ATR: variants seen among roughly 807,000 people sequenced by gnomAD.
ATR encodes ATR checkpoint kinase, also known as serine/threonine-protein kinase ATR.
ATR carries 142 observed loss-of-function variants against 305.3 expected under a neutral mutation model. That is an observed-to-expected ratio of 0.47 (90% confidence interval 0.41 to 0.53). The LOEUF (loss-of-function observed/expected upper bound fraction) is 0.53, where lower values mean the gene tolerates loss of function less well. Ranked by LOEUF, ATR falls within the 20% of genes least tolerant of loss-of-function variation. ATR has a pLI of 0.00. For synonymous variants in ATR, 1,050 were observed against 1,068.1 expected, an observed-to-expected ratio of 0.98 and a Z score of 0.33; for missense variants, 2,135 against 3,133.1, an observed-to-expected ratio of 0.68 and a Z score of 7.60.
intron 1 of ATR, among the ~76,000 whole-genome samples, chr3:142,573,731 T>G (rs968052119): frequency 6.6e-6 from 1 of 152,172 alleles, no homozygotes; most frequent in Non-Finnish European, 1.5e-5. Flanking sequence ...GATATAAAAA[T>G]TATTCATGAG....
intron 35 of ATR, among the ~76,000 whole-genome samples, chr3:142,489,864 C>T (rs1039095697): frequency 6.6e-6 from 1 of 152,190 alleles, no homozygotes; most frequent in Admixed American, 6.5e-5. Flanking sequence ...ATAGTCCCCA[C>T]CAGGTGCATT....
intron 30 of ATR, among the ~76,000 whole-genome samples, chr3:142,502,725 T>G (rs2032036940): frequency 6.6e-6 from 1 of 152,184 alleles, no homozygotes. Flanking sequence ...TGACCAGATT[T>G]TACTGCCCAG....
At chr3:142,510,170 T>A (rs371786721) in intron 27 of ATR, among the ~76,000 whole-genome samples, 1 of 151,412 alleles carries the variant, frequency 6.6e-6, no homozygotes, top group Non-Finnish European at 1.5e-5. Flanking sequence ...ATAGAGTGTT[T>A]GGTTTTACAG....
chr3:142,488,842 C>A (rs1362279075), intron 35 of ATR, among the ~76,000 whole-genome samples: 1 of 152,142 alleles, frequency 6.6e-6, no homozygotes, highest in African/African-American at 2.4e-5. Context: ...ATGCATTAAA[C>A]CTCTAGGTCA....
At chr3:142,515,566 AT>A in intron 24 of ATR, 51 bp from the exon 25 acceptor site, 1 of 1,528,010 alleles carries the variant, frequency 6.5e-7, no homozygotes, top group Non-Finnish European at 9.0e-7. Context: ...CCTGTTTAGA[AT>A]TTTAGTAAAT....
chr3:142,473,181 T>C (rs1178846019), intron 36 of ATR, among the ~76,000 whole-genome samples: 1 of 152,258 alleles, frequency 6.6e-6, no homozygotes, highest in Non-Finnish European at 1.5e-5. Context: ...CCCAAACCAA[T>C]GCCATGAACC....
chr3:142,453,269 C>T (rs2070832072), intron 45 of ATR, 36 bp from the exon 46 acceptor site: 1 of 1,598,912 alleles, frequency 6.3e-7, no homozygotes, highest in Non-Finnish European at 8.6e-7. Flanking sequence ...ATGATGTTAT[C>T]TTTGCAAGAA....
chr3:142,551,817 A>C (rs2034479637), intron 13 of ATR, among the ~76,000 whole-genome samples: 1 of 152,250 alleles, frequency 6.6e-6, no homozygotes, highest in Non-Finnish European at 1.5e-5. Context: ...AAAAATTGAC[A>C]AATAGGATCT....
intron 21 of ATR, among the ~76,000 whole-genome samples, chr3:142,533,926 C>G (rs916243992): frequency 6.6e-6 from 1 of 151,790 alleles, no homozygotes; most frequent in Admixed American, 6.6e-5. Context: ...GCAGCTGCAG[C>G]TTTCCTTAAG....
At chr3:142,482,090 T>G (rs1215276231) in intron 36 of ATR, among the ~76,000 whole-genome samples, 1 of 152,166 alleles carries the variant, frequency 6.6e-6, no homozygotes, top group African/African-American at 2.4e-5. Flanking sequence ...CCTCCCAAAA[T>G]TCTGAGGTTA....
chr3:142,571,501 AAATAAAT>A (rs2035258956), intron 1 of ATR, among the ~76,000 whole-genome samples: 1 of 150,852 alleles, frequency 6.6e-6, no homozygotes, highest in Non-Finnish European at 1.5e-5. Context: ...ATAAATAAAT[AAATAAAT>A]AATCAAAAGC....
intron 46 of ATR, 25 bp downstream of exon 46, chr3:142,453,103 A>G (rs934162066): frequency 6.2e-7 from 1 of 1,613,876 alleles, no homozygotes; most frequent in African/African-American, 1.3e-5. Context: ...ACTACAGCCC[A>G]TATCAAGCTA....
At chr3:142,462,387 C>T (rs1316118871) in intron 41 of ATR, among the ~76,000 whole-genome samples, 3 of 151,910 alleles carry the variant, frequency 2.0e-5, no homozygotes, top group Non-Finnish European at 4.4e-5. Context: ...TTAACAATGA[C>T]AAAATGCTGC....
intron 27 of ATR, among the ~76,000 whole-genome samples, chr3:142,509,186 A>T (rs78925233): frequency 8.2e-4 from 125 of 152,044 alleles, no homozygotes; most frequent in African/African-American, 2.8e-3. Flanking sequence ...TTTAAAAAAA[A>T]TTATTTTGAT....
intron 21 of ATR, among the ~76,000 whole-genome samples, chr3:142,533,245 T>G (rs947818134): frequency 6.6e-6 from 1 of 152,104 alleles, no homozygotes; most frequent in Non-Finnish European, 1.5e-5. Flanking sequence ...CAGGGAGCTA[T>G]CATCACACCC....
At chr3:142,508,923 C>CAAAAA (rs11453887) in intron 27 of ATR, among the ~76,000 whole-genome samples, 18 of 117,402 alleles carry the variant, frequency 1.5e-4, no homozygotes, top group East Asian at 2.4e-4. Context: ...GACTCCGTAT[C>CAAAAA]AAAAAAAAAA....
chr3:142,470,020 C>T, intron 37 of ATR, 66 bp downstream of exon 37: 1 of 1,318,312 alleles, frequency 7.6e-7, no homozygotes, highest in Non-Finnish European at 1.1e-6. Context: ...ACTGTCCAGC[C>T]AAATCTGACT....
Position 142,567,059 on chromosome 3 carries a change from T to C in ATR, c.152-798A>G, listed in dbSNP as rs553646556. The stretch of plus-strand genomic sequence containing the variant: ...GTGCCCAGCCAACACTACAGTCTTA[T>C]CTAATTTTAAATGTTTAAAAATCAC... On this transcript the variant is annotated intron_variant, in intron 2 of 46. Coordinates refer to ENST00000350721, the MANE Select transcript of ATR (RefSeq NM_001184.4). Among the ~76,000 whole-genome samples, 174 of 152,316 alleles carry C rather than the reference T, an allele frequency of 1.1e-3. 1 individual carries two copies. The highest frequency in any genetic ancestry group is 1.1e-3 in the Non-Finnish European group (73 of 68,026).
At chr3:142,456,873 C>T (rs575244419) in intron 45 of ATR, among the ~76,000 whole-genome samples, 1 of 152,316 alleles carries the variant, frequency 6.6e-6, no homozygotes, top group African/African-American at 2.4e-5. Context: ...AGTGTTACAA[C>T]TGCTTTGGAA....
Sources: allele counts gnomAD v4.1 joint callset (sites outside exome capture counted in the v4.1 genomes callset), GRCh38; gene constraint gnomAD v4.1.1; transcripts MANE v1.5; gene names NCBI Gene and HGNC (gene_info 2026-07-23, HGNC 2026-07-21).